DST: variants seen among roughly 807,000 people sequenced by gnomAD.
DST encodes the protein bullous pemphigoid antigen.
Under a neutral mutation model 875.2 loss-of-function variants are expected in DST, and 253 were observed. The observed-to-expected ratio is 0.29, with a 90% CI of 0.26 to 0.32. The LOEUF is 0.32. Ranked by LOEUF, DST falls within the 10% of genes least tolerant of loss-of-function variation. The probability of loss-of-function intolerance (pLI) is 1.00; values close to 1 mark genes in which losing one functional copy is unlikely to be tolerated. For missense variants in DST, 8,287 were observed against 9,111.6 expected (o/e 0.91, Z 3.68); for synonymous variants, 3,124 against 3,197.1 (o/e 0.98, Z 0.77).
chr6:56,796,249 A>T (rs1469661845), intron 4 of DST, among the ~76,000 whole-genome samples: 1 of 152,220 alleles, frequency 6.6e-6, no homozygotes, highest in Non-Finnish European at 1.5e-5. Context: ...GAAGCAAGAC[A>T]ATTATTAACT....
chr6:56,699,656 A>C lies in DST; in HGVS notation c.1044T>G (p.Phe348Leu). ...LGLIWTIILHFQISDIHVTGE... is the reference protein window; with the variant it reads ...LGLIWTIILHLQISDIHVTGE... ...AATTAAGAAAATTTGGGCTTACCTG[A>C]AAGTGCAAAATTATTGTCCAGATTA... The change falls in exon 9 of 104, where the codon TTT becomes TTG. Residue 348 changes from phenylalanine (F) to leucine (L), a missense_variant. By Grantham distance (22) the Phe-to-Leu change is conservative (BLOSUM62 0). Around this residue, in one of 10 missense-constraint regions of DST, gnomAD observed 1,160 missense variants for 1,424.3 expected, o/e 0.81. Transcript: ENST00000680361. 3.3e-6 allele frequency: 5 copies of C among 1,516,840 alleles called. No individual in the cohort carries two copies. The highest frequency in any genetic ancestry group is 4.4e-6 in the Non-Finnish European group (5 of 1,131,838). 94.0% of individuals were successfully genotyped at this position (1,516,840 alleles called of 1,614,324 possible).
chr6:56,601,591 T>C lies in DST; in HGVS notation c.11393A>G (p.Gln3798Arg). 1.2e-6 allele frequency: 2 copies of C among 1,602,162 alleles called. No homozygotes were observed. The highest frequency in any genetic ancestry group is 1.1e-5 in the South Asian group (1 of 89,050). Residue 3798 changes from glutamine (Q) to arginine (R), a missense_variant, in exon 44 of 104, where the codon CAG (glutamine) becomes CGG (arginine). Gln to Arg is a conservative substitution (Grantham distance 43). This residue lies in a region of DST where 3,138 missense variants were observed against 3,116.6 expected (regional missense o/e 1.01). Coordinates refer to ENST00000680361, the MANE Select transcript of DST (RefSeq NM_001374736.1). Reference protein sequence around the residue: ...DVQFFISEYAQDLSPNQSKQL... With the variant: ...DVQFFISEYARDLSPNQSKQL... ...TTTGCTTTGGTTGGGAGACAGATCC[T>C]GTGCATATTCAGAAATGAAGAACTG...
At chr6:56,942,571 T>C (rs1242900227) in intron 2 of DST, among the ~76,000 whole-genome samples, 1 of 152,110 alleles carries the variant, frequency 6.6e-6, no homozygotes. Context: ...GTAGAAACTT[T>C]GCAAATGTAT....
At chr6:56,618,825 T>C (rs1441859912) in intron 36 of DST, 1 of 1,614,170 alleles carries the variant, frequency 6.2e-7, no homozygotes, top group Non-Finnish European at 8.5e-7. Flanking sequence ...AACAGAACCA[T>C]CTTTCTGTGG....
chr6:56,608,930 T>A lies in DST; in HGVS notation c.5698A>T (p.Asn1900Tyr). 1 of 1,613,782 alleles carries A rather than the reference T, an allele frequency of 6.2e-7. No individual in the cohort carries two copies. Among genetic ancestry groups the A allele is most frequent in the South Asian group, 1.1e-5 (1 of 91,084 alleles). ...QLTLQKAFQQ[N>Y]LVSSALFSKV... Reference sequence around the variant, plus strand: ...GAAAATAATGCTGAGGAAACCAAGTTCTGTTGGAAAGCCTTCTGTAGGGTC... The same window carrying A: ...GAAAATAATGCTGAGGAAACCAAGTACTGTTGGAAAGCCTTCTGTAGGGTC... The change falls in exon 40 of 104, where the codon AAC becomes TAC. Residue 1900 changes from asparagine (N) to tyrosine (Y), a missense_variant. By Grantham distance (143) the Asn-to-Tyr change is moderately radical. Around this residue, in one of 10 missense-constraint regions of DST, gnomAD observed 3,138 missense variants for 3,116.6 expected, o/e 1.01. Transcript: ENST00000680361.
chr6:56,584,920 A>G (rs1242412653), intron 49 of DST, among the ~76,000 whole-genome samples: 1 of 152,122 alleles, frequency 6.6e-6, no homozygotes, highest in African/African-American at 2.4e-5. Flanking sequence ...ATATTGAACC[A>G]GCCTTGCATC....
At chr6:56,460,985 CACA>C (rs1034058052) in intron 102 of DST, 12 of 151,462 alleles carry the variant, frequency 7.9e-5, no homozygotes, top group African/African-American at 2.9e-4. Flanking sequence ...TTTTCCAGAT[CACA>C]ACATTTAAAA....
At chr6:56,703,006 A>G (rs1323861317) in intron 7 of DST, among the ~76,000 whole-genome samples, 1 of 151,790 alleles carries the variant, frequency 6.6e-6, no homozygotes, top group Non-Finnish European at 1.5e-5. Context: ...AAGGGGCACT[A>G]GGTATGTAGA....
chr6:56,547,360 C>T (rs969577863), intron 61 of DST, among the ~76,000 whole-genome samples: 1 of 152,136 alleles, frequency 6.6e-6, no homozygotes, highest in African/African-American at 2.4e-5. Flanking sequence ...TGCCACTTTG[C>T]TCTGGGTTTA....
intron 10 of DST, among the ~76,000 whole-genome samples, chr6:56,660,627 G>GA (rs1309294176): frequency 1.4e-3 from 155 of 111,396 alleles, no homozygotes; most frequent in Admixed American, 2.4e-3. Context: ...AAAAAAAAAA[G>GA]AAAAAAAAAA....
intron 61 of DST, 89 bp from the exon 62 acceptor site, chr6:56,537,029 G>A (rs1034869107): frequency 4.2e-6 from 5 of 1,178,510 alleles, no homozygotes; most frequent in East Asian, 2.5e-5. Flanking sequence ...ATCAGGTTGT[G>A]GAAACCATCA....
chr6:56,779,039 G>T (rs1341755202), intron 4 of DST, among the ~76,000 whole-genome samples: 2 of 152,066 alleles, frequency 1.3e-5, no homozygotes, highest in African/African-American at 4.8e-5. Context: ...ATCCTCTCCA[G>T]CACCTGTTGT....
intron 17 of DST, among the ~76,000 whole-genome samples, chr6:56,641,426 A>C (rs1396009829): frequency 1.3e-5 from 2 of 152,100 alleles, no homozygotes; most frequent in East Asian, 3.9e-4. Context: ...GCCTCCACTA[A>C]AAATACAAAA....
At chr6:56,599,269 T>A (rs1411261599) in intron 45 of DST, among the ~76,000 whole-genome samples, 1 of 152,056 alleles carries the variant, frequency 6.6e-6, no homozygotes, top group Non-Finnish European at 1.5e-5. Context: ...TTCCATGTAG[T>A]TTTTCCTCTT....
At chr6:56,948,874 A>G (rs1820978013) in intron 2 of DST, among the ~76,000 whole-genome samples, 1 of 152,202 alleles carries the variant, frequency 6.6e-6, no homozygotes, top group African/African-American at 2.4e-5. Flanking sequence ...CTACAGCATG[A>G]CACTTTGTAT....
At chr6:56,783,165 A>G (rs1327150936) in intron 4 of DST, among the ~76,000 whole-genome samples, 2 of 152,076 alleles carry the variant, frequency 1.3e-5, no homozygotes, top group Non-Finnish European at 2.9e-5. Context: ...GTTTTGGAAT[A>G]GGTGTGGTGT....
In DST at chr6:56,560,184, G is replaced by A. The variant is rs931151054; in HGVS notation, c.14440+110C>T. The A allele has an allele frequency of 3.6e-6, 4 of 1,123,898 alleles. No homozygotes were observed. In the African/African-American group the frequency reaches 4.7e-5, roughly 13 times the overall value. The allele number at this position is 1,123,898 out of a possible 1,614,324, so 69.6% of individuals were successfully genotyped here. ...AAAAAATAGATTCTGAAACATTAAA[G>A]CAAATCCAAAAATAAGTGACTGTTG... is the stretch of plus-strand genomic sequence containing the variant. On this transcript the variant is annotated intron_variant, in intron 58 of 103. Coordinates refer to ENST00000680361, the MANE Select transcript of DST (RefSeq NM_001374736.1).
At chr6:56,641,115 C>CAGAG (rs145412096) in intron 17 of DST, among the ~76,000 whole-genome samples, 5,955 of 142,558 alleles carry the variant, frequency 0.042, 126 homozygotes, top group Middle Eastern at 0.068. Context: ...TATTTATGCA[C>CAGAG]AGAGAGAGAG....
At chr6:56,757,528 C>A (rs1361555158) in intron 4 of DST, among the ~76,000 whole-genome samples, 2 of 152,122 alleles carry the variant, frequency 1.3e-5, no homozygotes, top group Admixed American at 6.6e-5. Flanking sequence ...GTAAAAGAAA[C>A]CCTGATTCTG....
Sources: allele counts gnomAD v4.1 joint callset (sites outside exome capture counted in the v4.1 genomes callset), GRCh38; gene constraint gnomAD v4.1.1; regional missense constraint gnomAD v4.1.1; transcripts MANE v1.5; gene names NCBI Gene and HGNC (gene_info 2026-07-23, HGNC 2026-07-21).